The following ROBO2 variants were observed in gnomAD, a reference collection of about 807,000 sequenced individuals.
ROBO2 encodes the protein roundabout homolog 2.
Under a neutral mutation model 160.8 loss-of-function variants are expected in ROBO2, and 53 were observed. The observed-to-expected ratio is 0.33, with a 90% CI of 0.26 to 0.41. The LOEUF (loss-of-function observed/expected upper bound fraction) is 0.41, where lower values mean the gene tolerates loss of function less well. Ranked by LOEUF, ROBO2 falls within the 10% of genes least tolerant of loss-of-function variation. The pLI, the probability that ROBO2 is intolerant of heterozygous loss-of-function variation, is 1.00. For synonymous variants in ROBO2, 664 were observed against 611.7 expected (o/e 1.09, Z -1.26); for missense variants, 1,577 against 1,722.4 (o/e 0.92, Z 1.49).
chr3:77,376,641 T>C (rs2072718834), intron 2 of ROBO2, among the ~76,000 whole-genome samples: 1 of 152,176 alleles, frequency 6.6e-6, no homozygotes, highest in Non-Finnish European at 1.5e-5. Context: ...ATCCTTCTTG[T>C]ATATGCTTAG....
At chr3:77,358,738 G>A (rs2069494620) in intron 2 of ROBO2, among the ~76,000 whole-genome samples, 2 of 152,156 alleles carry the variant, frequency 1.3e-5, no homozygotes, top group South Asian at 2.1e-4. Context: ...AGATAACAAT[G>A]TATTTAGAAA....
intron 2 of ROBO2, among the ~76,000 whole-genome samples, chr3:76,040,179 C>T (rs1177072982): frequency 6.6e-6 from 1 of 151,630 alleles, no homozygotes; most frequent in African/African-American, 2.4e-5. Context: ...ATTTTAAGGG[C>T]TTGTGAATTT....
chr3:76,539,352 T>C (rs1214901112), intron 2 of ROBO2, among the ~76,000 whole-genome samples: 1 of 148,442 alleles, frequency 6.7e-6, no homozygotes, highest in Non-Finnish European at 1.5e-5. Context: ...CCCAAAACTT[T>C]AAGTAAAATT....
intron 17 of ROBO2, among the ~76,000 whole-genome samples, chr3:77,593,597 A>G (rs1020970328): frequency 6.6e-6 from 1 of 152,202 alleles, no homozygotes; most frequent in Non-Finnish European, 1.5e-5. Flanking sequence ...AAGCCCTGAT[A>G]TGCTTTACTG....
intron 2 of ROBO2, among the ~76,000 whole-genome samples, chr3:77,239,764 A>T (rs1416401536): frequency 6.6e-6 from 1 of 151,802 alleles, no homozygotes; most frequent in Non-Finnish European, 1.5e-5. Context: ...TGCGTTTACA[A>T]ACCTTGAGCT....
At chr3:77,170,318 A>AT (rs1180092431) in intron 2 of ROBO2, among the ~76,000 whole-genome samples, 1 of 152,160 alleles carries the variant, frequency 6.6e-6, no homozygotes, top group African/African-American at 2.4e-5. Flanking sequence ...AATGCATTTT[A>AT]TTTTTAAAAG....
intron 14 of ROBO2, among the ~76,000 whole-genome samples, chr3:77,574,999 T>C (rs529746504): frequency 3.3e-5 from 5 of 152,254 alleles, no homozygotes; most frequent in East Asian, 3.9e-4. Context: ...TATTCCCCTA[T>C]ATTTTGTGTA....
chr3:77,142,690 C>A (rs1258385380), intron 2 of ROBO2, among the ~76,000 whole-genome samples: 1 of 152,140 alleles, frequency 6.6e-6, no homozygotes, highest in Non-Finnish European at 1.5e-5. Context: ...CACATGGCTG[C>A]ATTCAGGGTG....
At chr3:76,047,373 GC>G (rs2067485961) in intron 2 of ROBO2, among the ~76,000 whole-genome samples, 1 of 152,200 alleles carries the variant, frequency 6.6e-6, no homozygotes, top group Non-Finnish European at 1.5e-5. Context: ...GTTCATTAAA[GC>G]TAATATTCAT....
At chr3:76,837,349 T>C (rs944345536) in intron 2 of ROBO2, among the ~76,000 whole-genome samples, 24 of 151,946 alleles carry the variant, frequency 1.6e-4, no homozygotes, top group Non-Finnish European at 2.5e-4. Context: ...ATAAGGAATT[T>C]ATAAGAAAAT....
At chr3:75,908,143 G>C (rs565580884) in intron 1 of ROBO2, among the ~76,000 whole-genome samples, 1 of 152,186 alleles carries the variant, frequency 6.6e-6, no homozygotes, top group Admixed American at 6.5e-5. Context: ...GTATACAAAC[G>C]ATAAGTTTAG....
intron 2 of ROBO2, among the ~76,000 whole-genome samples, chr3:77,423,807 T>C (rs2077931183): frequency 6.6e-6 from 1 of 152,188 alleles, no homozygotes; most frequent in Non-Finnish European, 1.5e-5. Context: ...TCCTAAAACA[T>C]AATTCTCCCA....
intron 2 of ROBO2, among the ~76,000 whole-genome samples, chr3:76,832,707 G>A (rs1040921330): frequency 6.6e-6 from 1 of 152,140 alleles, no homozygotes; most frequent in East Asian, 1.9e-4. Flanking sequence ...GGCACGTACT[G>A]GGTGTATGTG....
At chr3:77,056,489 A>G (rs2065757792) in intron 1 of ROBO2, among the ~76,000 whole-genome samples, 1 of 152,188 alleles carries the variant, frequency 6.6e-6, no homozygotes, top group African/African-American at 2.4e-5. Flanking sequence ...ACCGTACTGT[A>G]TAACATTCCA....
At chr3:76,610,437 T>G (rs1026356689) in intron 2 of ROBO2, among the ~76,000 whole-genome samples, 1 of 152,130 alleles carries the variant, frequency 6.6e-6, no homozygotes, top group Non-Finnish European at 1.5e-5. Context: ...AGCTTCCACC[T>G]TGGGCGCCAG....
rs142816776 is a variant in ROBO2, at chr3:77,053,347, T to G, written c.61+12501T>G. 3.1e-3 allele frequency among the ~76,000 whole-genome samples: 472 copies of G among 152,336 alleles called. 1 individual carries two copies. Among genetic ancestry groups the G allele is most frequent in the Non-Finnish European group, 5.2e-3 (351 of 68,036 alleles). On this transcript the variant is annotated intron_variant, in intron 1 of 25. Transcript: ENST00000461745. ...TTCATTTTACATTTTAAACTTATTT[T>G]TTATATAGCAGCTTAGTCTGGCCCT...
chr3:76,868,501 C>A lies in ROBO2; in HGVS notation c.110-229513C>A, dbSNP rs982439707. ...AAACACTTATTTTTAGACAATAAAT[C>A]ACAACGTTCTATGTTTGAAATAATA... On this transcript the variant is annotated intron_variant, in intron 2 of 26. Coordinates refer to the ROBO2 transcript ENST00000487694. 3.9e-5 allele frequency among the ~76,000 whole-genome samples: 6 copies of A among 152,096 alleles called. No individual in the cohort carries two copies. In the East Asian group the frequency reaches 1.2e-3, roughly 29 times the overall value.
chr3:77,610,741 C>CAAAAAAAAAAAAAAAAAAAAAAAAA (rs71629658), intron 21 of ROBO2, among the ~76,000 whole-genome samples: 21 of 19,834 alleles, frequency 1.1e-3, no homozygotes, highest in East Asian at 2.2e-3. Flanking sequence ...GGCCAAAGAC[C>CAAAAAAAAAAAAAAAAAAAAAAAAA]AAAAAAAAAA....
intron 2 of ROBO2, among the ~76,000 whole-genome samples, chr3:76,093,495 T>A (rs201217480): frequency 6.1e-4 from 1 of 1,650 alleles, no homozygotes; most frequent in Non-Finnish European, 8.8e-4. Context: ...GATATTATAA[T>A]ATAAAATATT....
Sources: gnomAD v4.1 joint callset for allele counts (sites outside exome capture counted in the v4.1 genomes callset) on GRCh38, gnomAD v4.1.1 for gene constraint, MANE v1.5 for transcripts, NCBI Gene and HGNC (gene_info 2026-07-23, HGNC 2026-07-21) for gene names.